The following SATB2 variants were observed in gnomAD, a reference collection of about 807,000 sequenced individuals.
SATB2 encodes SATB homeobox 2.
SATB2 carries 1 observed loss-of-function variant against 73.4 expected under a neutral mutation model. The ratio of observed to expected loss-of-function variants is 0.01; its 90% CI spans 0.00 to 0.06. The LOEUF is 0.06. SATB2 is among the 10% of genes least tolerant of loss of function. The probability of loss-of-function intolerance (pLI) is 1.00; values close to 1 mark genes in which losing one functional copy is unlikely to be tolerated. For synonymous variants in SATB2, 397 were observed against 367.0 expected (o/e 1.08, Z -0.93); for missense variants, 459 against 945.8 (o/e 0.49, Z 6.75).
At chr2:199,369,778 G>T (rs1015334219) in intron 5 of SATB2, among the ~76,000 whole-genome samples, 1 of 152,102 alleles carries the variant, frequency 6.6e-6, no homozygotes, top group Admixed American at 6.6e-5. Context: ...TTATTTAACA[G>T]GAGGTTAAAA....
At chr2:199,292,078 A>G (rs1692883501) in intron 10 of SATB2, among the ~76,000 whole-genome samples, 1 of 152,192 alleles carries the variant, frequency 6.6e-6, no homozygotes, top group African/African-American at 2.4e-5. Flanking sequence ...CAATGCTAAA[A>G]AAAAAACACT....
chr2:199,349,322 T>C, intron 6 of SATB2, 149 bp from the exon 7 acceptor site: 1 of 665,782 alleles, frequency 1.5e-6, no homozygotes, highest in Non-Finnish European at 2.6e-6. Flanking sequence ...ATAAAAGTGA[T>C]ATTCTTTTCT....
intron 3 of SATB2, among the ~76,000 whole-genome samples, chr2:199,422,567 AATTACT>A (rs1240552670): frequency 6.6e-6 from 1 of 152,194 alleles, no homozygotes; most frequent in Admixed American, 6.5e-5. Context: ...TGTAAGGTAT[AATTACT>A]ATTCACTTGG....
chr2:199,412,741 A>G (rs535109660), intron 3 of SATB2, among the ~76,000 whole-genome samples: 1 of 152,320 alleles, frequency 6.6e-6, no homozygotes, highest in African/African-American at 2.4e-5. Context: ...ACAAAAAACA[A>G]AAAACAAACA....
At position 199,456,937 on chromosome 2, in the gene SATB2, CG is replaced by C. The variant is rs1692295075; in HGVS notation, c.-60+401del. 3.2e-5 allele frequency among the ~76,000 whole-genome samples: 4 copies of C among 125,874 alleles called. No homozygotes were observed. In the South Asian group the frequency reaches 1.0e-3, roughly 32 times the overall value. The allele number at this position is 125,874 out of a possible 152,430, so 82.6% of individuals were successfully genotyped here. On this transcript the variant is annotated intron_variant, in intron 1 of 10. Coordinates refer to ENST00000417098, the MANE Select transcript of SATB2 (RefSeq NM_001172509.2). ...CACTAGGTTGGCAGTGCGCTCCCCA[CG>C]GAAGCCGCAGGTCTCGACACCCCTG...
intron 2 of SATB2, among the ~76,000 whole-genome samples, chr2:199,438,164 T>G (rs1201408396): frequency 1.3e-5 from 2 of 152,224 alleles, no homozygotes; most frequent in African/African-American, 4.8e-5. Context: ...TTGAATATAT[T>G]GAGTTAAATA....
chr2:199,369,406 G>C (rs908327147), intron 5 of SATB2, among the ~76,000 whole-genome samples: 14 of 152,106 alleles, frequency 9.2e-5, no homozygotes, highest in African/African-American at 3.4e-4. Context: ...AAGAGAAGTG[G>C]AGCATAGCCT....
At chr2:199,289,673 C>T (rs1692794157) in intron 10 of SATB2, among the ~76,000 whole-genome samples, 1 of 152,116 alleles carries the variant, frequency 6.6e-6, no homozygotes, top group Admixed American at 6.5e-5. Flanking sequence ...ACAAAACAAA[C>T]ATACTTACAA....
At chr2:199,379,831 ATACGTAAAT>A (rs1689716148) in intron 5 of SATB2, among the ~76,000 whole-genome samples, 1 of 150,662 alleles carries the variant, frequency 6.6e-6, no homozygotes, top group South Asian at 2.1e-4. Context: ...CCTGGCCCGT[ATACGTAAAT>A]TGTTTTAATA....
At chr2:199,404,549 T>A (rs1690576624) in intron 3 of SATB2, among the ~76,000 whole-genome samples, 1 of 152,214 alleles carries the variant, frequency 6.6e-6, no homozygotes, top group Non-Finnish European at 1.5e-5. Flanking sequence ...TCATTTACCA[T>A]ATATTCTTAG....
intron 2 of SATB2, among the ~76,000 whole-genome samples, chr2:199,448,350 T>C (rs1486852230): frequency 6.6e-6 from 1 of 152,086 alleles, no homozygotes; most frequent in African/African-American, 2.4e-5. Flanking sequence ...CCCAGGAGTC[T>C]TGGGCATGGC....
rs760905348 is a variant in SATB2 at position 199,433,461 on chromosome 2, A to G, written c.223T>C (p.Tyr75His). The stretch of plus-strand genomic sequence containing the variant: ...TCGGCGTGTTCTTCTCTGTTGTCAT[A>G]TTCAAGAGAGCCGTCCAACTGCTCC... ...VVEQLDGSLE[Y>H]DNREEHAEFV... Residue 75 changes from tyrosine (Y) to histidine (H), a missense_variant, in exon 3 of 11, where the codon TAT (tyrosine) becomes CAT (histidine). Around this residue, in one of 13 missense-constraint regions of SATB2, gnomAD observed 74 missense variants for 113.3 expected, o/e 0.65. Transcript: ENST00000417098. 1.2e-6 allele frequency: 2 copies of G among 1,614,168 alleles called. No individual in the cohort carries two copies. Among genetic ancestry groups the G allele is most frequent in the South Asian group, 2.2e-5 (2 of 91,082 alleles).
At chr2:199,365,893 G>C (rs892960279) in intron 6 of SATB2, among the ~76,000 whole-genome samples, 1 of 151,828 alleles carries the variant, frequency 6.6e-6, no homozygotes, top group Non-Finnish European at 1.5e-5. Flanking sequence ...ATTTCTATGA[G>C]AAGAGAAAAA....
intron 3 of SATB2, among the ~76,000 whole-genome samples, chr2:199,401,211 A>G (rs1446431967): frequency 6.6e-6 from 1 of 152,174 alleles, no homozygotes; most frequent in African/African-American, 2.4e-5. Flanking sequence ...CTCACCAATA[A>G]GAAAATATAT....
chr2:199,458,703 A>AC (rs1319039552), upstream of SATB2: 1 of 442,980 alleles, frequency 2.3e-6, no homozygotes, highest in Non-Finnish European at 4.5e-6. Flanking sequence ...AGCTCTGTTA[A>AC]CTGCGCGGAG....
chr2:199,385,910 T>C (rs1689916689), intron 3 of SATB2, among the ~76,000 whole-genome samples: 1 of 152,166 alleles, frequency 6.6e-6, no homozygotes, highest in South Asian at 2.1e-4. Flanking sequence ...TCCATTTCCA[T>C]ATCTGTAAAA....
rs13011669 is a variant in SATB2, at chr2:199,350,390, A to C, written c.701-1217T>G. ...GTCTCAAAAAATTTAGGCAGAAATG[A>C]TGTGTGCTGGACAACTGGGTGAGAT... On this transcript the variant is annotated intron_variant, in intron 6 of 10. Transcript: ENST00000417098. Among the ~76,000 whole-genome samples the C allele has an allele frequency of 2.0e-5, 3 of 152,076 alleles. No individual in the cohort carries two copies. The South Asian group carries it at 6.2e-4, about 31-fold the overall frequency.
intron 6 of SATB2, among the ~76,000 whole-genome samples, chr2:199,359,768 A>G (rs933201959): frequency 4.6e-5 from 7 of 152,150 alleles, no homozygotes; most frequent in African/African-American, 1.4e-4. Context: ...AAGGGGGATT[A>G]GTCAAAAATC....
At chr2:199,469,677 C>A (rs1205508926), upstream of SATB2, 2 of 152,384 alleles carry the variant, frequency 1.3e-5, no homozygotes, top group South Asian at 2.1e-4. Context: ...ACCAAGTTCG[C>A]GCGAGGTGTT....
Sources: gnomAD v4.1 joint callset for allele counts (sites outside exome capture counted in the v4.1 genomes callset) on GRCh38, gnomAD v4.1.1 for gene constraint, gnomAD v4.1.1 regional missense constraint, MANE v1.5 for transcripts, NCBI Gene and HGNC (gene_info 2026-07-23, HGNC 2026-07-21) for gene names.